The following GPAT3 variants were observed in gnomAD, a reference collection of about 807,000 sequenced individuals.
GPAT3 encodes the protein 1-AGP acyltransferase 9.
Under a neutral mutation model 58.8 loss-of-function variants are expected in GPAT3, and 53 were observed. The observed-to-expected ratio is 0.90, with a 90% CI of 0.72 to 1.13. GPAT3 has a LOEUF of 1.13. GPAT3 is among the 50% of genes most tolerant of loss of function. GPAT3 has a pLI of 0.00. For synonymous variants in GPAT3, 197 were observed against 187.4 expected, an observed-to-expected ratio of 1.05 and a Z score of -0.42; for missense variants, 511 against 527.6, an observed-to-expected ratio of 0.97 and a Z score of 0.31.
In GPAT3 at chr4:83,536,494, C is replaced by T; in HGVS notation, c.-129C>T. Reference sequence around the variant, plus strand: ...TGAAAGTTTTTTTCCTTCCTCTCTTCCCTTCGCAGAGGTGAGTGCCGGGCT... The same window carrying T: ...TGAAAGTTTTTTTCCTTCCTCTCTTTCCTTCGCAGAGGTGAGTGCCGGGCT... On this transcript the variant is annotated 5_prime_UTR_variant, in exon 1 of 12. Transcript: ENST00000264409. The T allele has an allele frequency of 6.7e-7, 1 of 1,485,072 alleles. No homozygotes were observed. The highest frequency in any genetic ancestry group is 1.4e-5 in the South Asian group (1 of 70,376). The allele number at this position is 1,485,072 out of a possible 1,614,324, so 92.0% of individuals were successfully genotyped here.
chr4:83,563,478 C>CTTTTTTTTTTTTT (rs908400401), intron 2 of GPAT3, among the ~76,000 whole-genome samples: 1 of 114,456 alleles, frequency 8.7e-6, no homozygotes, highest in African/African-American at 3.1e-5. Context: ...TTTCTTTCTT[C>CTTTTTTTTTTTTT]TTTTTTTTTT....
At chr4:83,543,715 C>T (rs533227098) in intron 1 of GPAT3, among the ~76,000 whole-genome samples, 1 of 152,220 alleles carries the variant, frequency 6.6e-6, no homozygotes, top group South Asian at 2.1e-4. Context: ...CCGATCTCTG[C>T]TCACTGCACC....
At chr4:83,538,563 T>A (rs898386460) in intron 1 of GPAT3, among the ~76,000 whole-genome samples, 12 of 152,188 alleles carry the variant, frequency 7.9e-5, no homozygotes, top group African/African-American at 2.9e-4. Context: ...GTAAGAATGG[T>A]GTAAAGGTAA....
chr4:83,604,192 C>T (rs976797334), intron 11 of GPAT3, among the ~76,000 whole-genome samples: 1 of 152,186 alleles, frequency 6.6e-6, no homozygotes, highest in African/African-American at 2.4e-5. Context: ...CTGCCTCAGC[C>T]TTCCAAGTAG....
In GPAT3 at chr4:83,581,695, G is replaced by C; in HGVS notation, c.342G>C (p.Gln114His). 4 of 1,614,180 alleles carry C rather than the reference G, an allele frequency of 2.5e-6. No individual in the cohort carries two copies. In the South Asian group the frequency reaches 4.4e-5, roughly 18 times the overall value. ...CCATTGTAGAAGATGAAGTGACCCA[G>C]AGGTTTTCCTCAGAGGAGCTAGTGT... ...LEAIVEDEVT[Q>H]RFSSEELVSW... is the part of the protein sequence containing the mutation. The change falls in exon 3 of 12, where the codon CAG becomes CAC. Residue 114 changes from glutamine to histidine, a missense_variant. Coordinates refer to ENST00000264409, the MANE Select transcript of GPAT3 (RefSeq NM_032717.5).
intron 2 of GPAT3, among the ~76,000 whole-genome samples, chr4:83,572,762 A>T (rs186179100): frequency 1.5e-4 from 23 of 152,366 alleles, no homozygotes; most frequent in African/African-American, 5.5e-4. Flanking sequence ...TAAAAATTTA[A>T]AAATGTTTGG....
chr4:83,573,686 A>C (rs1725684613), intron 2 of GPAT3, among the ~76,000 whole-genome samples: 1 of 152,194 alleles, frequency 6.6e-6, no homozygotes, highest in African/African-American at 2.4e-5. Context: ...TTCTTTGCCA[A>C]GGATCTGAGC....
In GPAT3 at chr4:83,560,525, AC is replaced by A. The variant is rs1274607308; in HGVS notation, c.208+15924del. Reference sequence around the variant, plus strand: ...TCTGAAGCATGAGGATGCAGGGGATACTGAGGACAGATTTTGTGGGTGGGAT... The same window carrying A: ...TCTGAAGCATGAGGATGCAGGGGATATGAGGACAGATTTTGTGGGTGGGAT... On this transcript the variant is annotated intron_variant, in intron 2 of 11. Coordinates refer to ENST00000264409, the MANE Select transcript of GPAT3 (RefSeq NM_032717.5). Among the ~76,000 whole-genome samples the A allele has an allele frequency of 2.6e-5, 4 of 152,174 alleles. No homozygotes were observed. The East Asian group carries it at 7.7e-4, about 29-fold the overall frequency.
At chr4:83,571,302 C>T (rs560789636) in intron 2 of GPAT3, among the ~76,000 whole-genome samples, 1 of 152,124 alleles carries the variant, frequency 6.6e-6, no homozygotes, top group African/African-American at 2.4e-5. Flanking sequence ...ACTGTCTGTG[C>T]CATAGGGTAA....
chr4:83,578,170 T>G (rs1028057965), intron 2 of GPAT3, among the ~76,000 whole-genome samples: 1 of 152,222 alleles, frequency 6.6e-6, no homozygotes, highest in African/African-American at 2.4e-5. Flanking sequence ...GTTTCATCAA[T>G]AAGGCTACTC....
chr4:83,568,493 C>T (rs10002139), intron 2 of GPAT3, among the ~76,000 whole-genome samples: 34,078 of 150,932 alleles, frequency 0.23, 3,982 homozygotes, highest in East Asian at 0.31. Flanking sequence ...TGTTTTTTAA[C>T]TTTTCATTTG....
chr4:83,569,515 A>C (rs763174557), intron 2 of GPAT3, among the ~76,000 whole-genome samples: 6 of 151,728 alleles, frequency 4.0e-5, no homozygotes, highest in Non-Finnish European at 5.9e-5. Context: ...CAACAAATCA[A>C]GGGGGATTAT....
chr4:83,585,089 A>G (rs1726329215), intron 3 of GPAT3, among the ~76,000 whole-genome samples: 1 of 152,204 alleles, frequency 6.6e-6, no homozygotes, highest in South Asian at 2.1e-4. Context: ...TTATTTTAAA[A>G]GTTTTGCATA....
chr4:83,594,000 A>G (rs896824106), intron 6 of GPAT3, among the ~76,000 whole-genome samples: 2 of 152,168 alleles, frequency 1.3e-5, no homozygotes, highest in Non-Finnish European at 2.9e-5. Flanking sequence ...CTACTCTTGT[A>G]GGTTCATTGA....
intron 2 of GPAT3, among the ~76,000 whole-genome samples, chr4:83,548,620 G>A (rs1004835649): frequency 6.6e-6 from 1 of 151,328 alleles, no homozygotes; most frequent in East Asian, 1.9e-4. Context: ...TGTCATTTTG[G>A]CATTGTTCCC....
chr4:83,596,908 C>T lies in GPAT3; in HGVS notation c.905C>T (p.Pro302Leu). The T allele has an allele frequency of 6.2e-7, 1 of 1,600,198 alleles. No individual in the cohort carries two copies. The highest frequency in any genetic ancestry group is 8.5e-7 in the Non-Finnish European group (1 of 1,176,118). Residue 302 changes from proline to leucine, a missense_variant, in exon 8 of 12, where the codon CCT becomes CTT. Coordinates refer to ENST00000264409, the MANE Select transcript of GPAT3 (RefSeq NM_032717.5). ...DKKKLPILIF[P>L]EGTCINNTSV... Reference sequence around the variant, plus strand: ...AAGAAACTACCCATACTAATTTTTCCTGAAGGTAAGAATGGGCCTGCCTCC... The same window carrying T: ...AAGAAACTACCCATACTAATTTTTCTTGAAGGTAAGAATGGGCCTGCCTCC...
At chr4:83,575,369 C>T (rs906123898) in intron 2 of GPAT3, among the ~76,000 whole-genome samples, 1 of 152,040 alleles carries the variant, frequency 6.6e-6, no homozygotes, top group Non-Finnish European at 1.5e-5. Flanking sequence ...GAGAAAGTAA[C>T]ATTATGTTTT....
At chr4:83,587,135 C>G (rs879104497) in intron 3 of GPAT3, 120 bp from the exon 4 acceptor site, 40 of 723,330 alleles carry the variant, frequency 5.5e-5, no homozygotes. Context: ...TTAGTGGCTG[C>G]ATCATATTTC....
chr4:83,581,885 G>C (rs1726149707), intron 3 of GPAT3, 53 bp downstream of exon 3: 3 of 1,558,158 alleles, frequency 1.9e-6, no homozygotes, highest in African/African-American at 2.7e-5. Flanking sequence ...CTTTCTTTTT[G>C]AATCATGTAC....
Sources: gnomAD v4.1 joint callset for allele counts (sites outside exome capture counted in the v4.1 genomes callset) on GRCh38, gnomAD v4.1.1 for gene constraint, MANE v1.5 for transcripts, NCBI Gene and HGNC (gene_info 2026-07-23, HGNC 2026-07-21) for gene names.